COLEC10: variants seen among roughly 807,000 people sequenced by gnomAD.
The protein encoded by COLEC10 is collectin subfamily member 10, also known as collectin-10.
COLEC10 carries 22 observed loss-of-function variants against 28.4 expected under a neutral mutation model. The observed-to-expected ratio is 0.78, with a 90% confidence interval of 0.55 to 1.11. COLEC10 has a LOEUF of 1.11. Among genes scored for constraint, COLEC10 ranks in the 50% least tolerant of loss-of-function variants. COLEC10 has a pLI of 0.00. For synonymous variants in COLEC10, 125 were observed against 116.1 expected, an observed-to-expected ratio of 1.08 and a Z score of -0.49; for missense variants, 361 against 344.1, an observed-to-expected ratio of 1.05 and a Z score of -0.39.
chr8:119,054,831 G>A (rs1814735598), intron 2 of COLEC10, among the ~76,000 whole-genome samples: 3 of 152,020 alleles, frequency 2.0e-5, no homozygotes, highest in East Asian at 1.9e-4. Flanking sequence ...AAGTAATTAT[G>A]TGTATAAAAG....
intron 1 of COLEC10, among the ~76,000 whole-genome samples, chr8:118,999,045 T>C (rs1362685585): frequency 6.6e-6 from 1 of 152,066 alleles, no homozygotes; most frequent in East Asian, 1.9e-4. Flanking sequence ...CACAAAGTAA[T>C]GTTACCAATA....
intron 1 of COLEC10, among the ~76,000 whole-genome samples, chr8:119,084,749 T>C (rs965625672): frequency 6.6e-6 from 1 of 152,248 alleles, no homozygotes; most frequent in Non-Finnish European, 1.5e-5. Context: ...GTCTATAATT[T>C]ACTTTTTTAA....
At chr8:118,979,513 C>A in the COLEC10 span, among the ~76,000 whole-genome samples, 1 of 151,632 alleles carries the variant, frequency 6.6e-6, no homozygotes, top group African/African-American at 2.4e-5. Context: ...AACATTGTGG[C>A]ATATTTGTTT....
intron 1 of COLEC10, among the ~76,000 whole-genome samples, chr8:119,069,650 A>T (rs1815061448): frequency 8.5e-6 from 1 of 117,898 alleles, no homozygotes; most frequent in Non-Finnish European, 1.8e-5. Context: ...ATATATATAT[A>T]TATATATATA....
At chr8:118,964,079 A>G in the COLEC10 span, among the ~76,000 whole-genome samples, 1 of 152,200 alleles carries the variant, frequency 6.6e-6, no homozygotes, top group African/African-American at 2.4e-5. Flanking sequence ...CCAAATTTCT[A>G]TTAAAAAGTC....
chr8:119,043,813 T>C (rs1400147575), intron 2 of COLEC10, among the ~76,000 whole-genome samples: 1 of 152,176 alleles, frequency 6.6e-6, no homozygotes, highest in Non-Finnish European at 1.5e-5. Context: ...AGTCCAACAC[T>C]CTCCTTTAAT....
upstream of COLEC10, among the ~76,000 whole-genome samples, chr8:118,994,853 T>C (rs1044765622): frequency 2.0e-5 from 3 of 152,210 alleles, no homozygotes; most frequent in African/African-American, 7.2e-5. Flanking sequence ...CTGATCTGAC[T>C]TTAGTTTGAA....
At chr8:118,985,970 A>G in the COLEC10 span, among the ~76,000 whole-genome samples, 10,288 of 152,054 alleles carry the variant, frequency 0.068, 611 homozygotes, top group East Asian at 0.17. Context: ...AGAGGCAACT[A>G]CTCCACTACC....
chr8:119,099,894 C>T (rs1366836654), intron 3 of COLEC10, among the ~76,000 whole-genome samples: 1 of 151,962 alleles, frequency 6.6e-6, no homozygotes, highest in Admixed American at 6.6e-5. Flanking sequence ...CTTAAAAGCC[C>T]GTCATTTTCC....
chr8:119,107,595 G>A lies in COLEC10; in HGVS notation c.*1404G>A, dbSNP rs543082290. On this transcript the variant is annotated 3_prime_UTR_variant, in exon 6 of 6. Transcript: ENST00000332843. ...ATTTCACCCGTGACTAACTGGTTAT[G>A]AGATAGGACTTAATTAGGTTATTTC... Among the ~76,000 whole-genome samples the A allele has an allele frequency of 6.6e-6, 1 of 152,178 alleles. No homozygotes were observed. Among genetic ancestry groups the A allele is most frequent in the South Asian group, 2.1e-4 (1 of 4,834 alleles).
rs1177852162 is a variant in COLEC10 at position 119,034,708 on chromosome 8, C to CA, written n.235+25161dup. 8.5e-5 allele frequency among the ~76,000 whole-genome samples: 13 copies of CA among 152,110 alleles called. No individual in the cohort carries two copies. The South Asian group carries it at 2.1e-3, about 24-fold the overall frequency. On this transcript the variant is annotated intron_variant and non_coding_transcript_variant, in intron 2 of 6. Coordinates refer to the COLEC10 transcript ENST00000521788. ...TGGGTGACAGAGTGAGACTCCATCT[C>CA]AAAAAACAAACAAAACTATGATGTT...
At chr8:119,094,941 A>T (rs1815679976) in intron 3 of COLEC10, among the ~76,000 whole-genome samples, 1 of 152,206 alleles carries the variant, frequency 6.6e-6, no homozygotes, top group Admixed American at 6.5e-5. Context: ...ACTGGGAATG[A>T]AATTAGCACA....
At chr8:119,104,585 A>G (rs778478278) in intron 5 of COLEC10, among the ~76,000 whole-genome samples, 4 of 152,168 alleles carry the variant, frequency 2.6e-5, no homozygotes, top group African/African-American at 4.8e-5. Flanking sequence ...TAATAAGGTA[A>G]CTATTATAAT....
chr8:119,085,293 G>T (rs1175337025), intron 1 of COLEC10, among the ~76,000 whole-genome samples: 1 of 152,128 alleles, frequency 6.6e-6, no homozygotes, highest in Non-Finnish European at 1.5e-5. Context: ...ACAATAGCAG[G>T]TCCCAATGAG....
chr8:119,010,660 A>T (rs1813887403), intron 2 of COLEC10, among the ~76,000 whole-genome samples: 1 of 151,122 alleles, frequency 6.6e-6, no homozygotes, highest in Admixed American at 6.6e-5. Context: ...CATTCTTGCC[A>T]GCATTTGATG....
intron 4 of COLEC10, 63 bp downstream of exon 4, chr8:119,102,464 A>G: frequency 7.6e-7 from 1 of 1,310,418 alleles, no homozygotes; most frequent in Non-Finnish European, 1.1e-6. Flanking sequence ...CATCTCAAAA[A>G]TAAATATATT....
At chr8:118,953,907 T>C in the COLEC10 span, among the ~76,000 whole-genome samples, 1 of 152,188 alleles carries the variant, frequency 6.6e-6, no homozygotes, top group Non-Finnish European at 1.5e-5. Context: ...AGGATAATAA[T>C]CACATCTACC....
chr8:119,031,201 T>A (rs1350743971), intron 2 of COLEC10, among the ~76,000 whole-genome samples: 4 of 152,168 alleles, frequency 2.6e-5, no homozygotes, highest in African/African-American at 9.7e-5. Context: ...CATGTGGCAG[T>A]GAATGATTCT....
At chr8:119,041,099 G>A (rs1379860290) in intron 2 of COLEC10, among the ~76,000 whole-genome samples, 1 of 152,154 alleles carries the variant, frequency 6.6e-6, no homozygotes, top group Admixed American at 6.5e-5. Context: ...TATGCCAAAG[G>A]AGCACACAAA....
Sources: gnomAD v4.1 joint callset for allele counts (sites outside exome capture counted in the v4.1 genomes callset) on GRCh38, gnomAD v4.1.1 for gene constraint, MANE v1.5 for transcripts, NCBI Gene and HGNC (gene_info 2026-07-23, HGNC 2026-07-21) for gene names.